MAGI3: variants seen among roughly 807,000 people sequenced by gnomAD.
MAGI3 encodes the protein membrane-associated guanylate kinase, WW and PDZ domain-containing protein 3.
Under a neutral mutation model 121.8 loss-of-function variants are expected in MAGI3, and 43 were observed. The ratio of observed to expected loss-of-function variants is 0.35; its 90% CI spans 0.28 to 0.46. MAGI3 has a LOEUF of 0.46. Among genes scored for constraint, MAGI3 ranks in the 20% least tolerant of loss-of-function variants. MAGI3 has a pLI of 1.00. For synonymous variants in MAGI3, 553 were observed against 639.3 expected, an observed-to-expected ratio of 0.86 and a Z score of 2.04; for missense variants, 1,547 against 1,797.3, an observed-to-expected ratio of 0.86 and a Z score of 2.52.
At chr1:113,659,028 C>A (rs2100997021) in intron 15 of MAGI3, 52 bp from the exon 16 acceptor site, 1 of 1,379,692 alleles carries the variant, frequency 7.2e-7, no homozygotes, top group Non-Finnish European at 1.0e-6. Context: ...ATAAATCTAA[C>A]ACTAGCAGAA....
At chr1:113,578,933 T>C (rs561389084) in intron 2 of MAGI3, among the ~76,000 whole-genome samples, 3 of 141,114 alleles carry the variant, frequency 2.1e-5, no homozygotes, top group South Asian at 4.9e-4. Flanking sequence ...CTCAGATTAT[T>C]ACCATTAATT....
At chr1:113,400,347 G>A (rs1162907256) in intron 1 of MAGI3, among the ~76,000 whole-genome samples, 1 of 152,098 alleles carries the variant, frequency 6.6e-6, no homozygotes, top group Non-Finnish European at 1.5e-5. Flanking sequence ...TGCACAGTAG[G>A]AGTTTTGTAG....
intron 1 of MAGI3, among the ~76,000 whole-genome samples, chr1:113,426,604 G>A (rs1653020884): frequency 6.6e-6 from 1 of 152,038 alleles, no homozygotes; most frequent in Non-Finnish European, 1.5e-5. Context: ...GAATTATTAT[G>A]TTTTCCTAGT....
At position 113,543,590 on chromosome 1, in the gene MAGI3, A is replaced by G. The variant is rs556039720; in HGVS notation, c.317-5925A>G. On this transcript the variant is annotated intron_variant, in intron 1 of 20. Transcript: ENST00000307546. ...TTAAAAATACAAATTAAGGCCAGGCATGGTGGCTCATGCCTGTAATCCCAG... is the reference window on the plus strand; with the variant it reads ...TTAAAAATACAAATTAAGGCCAGGCGTGGTGGCTCATGCCTGTAATCCCAG... 2.2e-3 allele frequency among the ~76,000 whole-genome samples: 341 copies of G among 152,300 alleles called. 3 individuals are homozygous for G. Among genetic ancestry groups the G allele is most frequent in the African/African-American group, 8.0e-3 (332 of 41,572 alleles).
intron 1 of MAGI3, among the ~76,000 whole-genome samples, chr1:113,506,875 C>A (rs563483561): frequency 8.1e-4 from 123 of 152,228 alleles, no homozygotes; most frequent in African/African-American, 2.7e-3. Flanking sequence ...AGCTTTGGTG[C>A]TTTATCTACT....
At chr1:113,503,142 G>A (rs1657105792) in intron 1 of MAGI3, among the ~76,000 whole-genome samples, 4 of 80,758 alleles carry the variant, frequency 5.0e-5, no homozygotes, top group Non-Finnish European at 8.9e-5. Flanking sequence ...TGGGTGCAGC[G>A]CACCAGCATG....
intron 1 of MAGI3, among the ~76,000 whole-genome samples, chr1:113,405,474 CAAAAAAAAAAAAAA>C (rs5777158): frequency 5.5e-5 from 3 of 54,348 alleles, no homozygotes; most frequent in South Asian, 1.1e-3. Flanking sequence ...GAAACTGTCT[CAAAAAAAAAAAAAA>C]AAAAAAAAAA....
Position 113,508,671 on chromosome 1 carries a change from C to T in MAGI3, c.317-40844C>T, listed in dbSNP as rs549174876. On this transcript the variant is annotated intron_variant, in intron 1 of 20. Transcript: ENST00000307546. ...CTCCATCGCTAATAAACTTCTAGTGCTATTCCTTGTTCTTTTAAATGTACC... is the reference window on the plus strand; with the variant it reads ...CTCCATCGCTAATAAACTTCTAGTGTTATTCCTTGTTCTTTTAAATGTACC... Among the ~76,000 whole-genome samples, 10 of 152,294 alleles carry T rather than the reference C, an allele frequency of 6.6e-5. No homozygotes were observed. In the South Asian group the frequency reaches 1.7e-3, roughly 25 times the overall value.
intron 19 of MAGI3, among the ~76,000 whole-genome samples, chr1:113,675,902 A>G (rs575402141): frequency 2.7e-4 from 41 of 152,386 alleles, no homozygotes; most frequent in African/African-American, 9.6e-4. Flanking sequence ...ATGCAGAACC[A>G]TATGTAATAT....
intron 1 of MAGI3, among the ~76,000 whole-genome samples, chr1:113,477,050 C>T (rs1333466403): frequency 5.5e-5 from 8 of 144,818 alleles, no homozygotes; most frequent in African/African-American, 2.0e-4. Flanking sequence ...TGCACCCCTG[C>T]TTTTTTTTTT....
intron 1 of MAGI3, among the ~76,000 whole-genome samples, chr1:113,476,086 C>G (rs1271060044): frequency 6.6e-6 from 1 of 151,836 alleles, no homozygotes; most frequent in African/African-American, 2.4e-5. Flanking sequence ...CCCTTTATCA[C>G]TTTTTATTGC....
At chr1:113,416,022 A>ATTAATGACACATATTAATTATGTAC (rs1652291012) in intron 1 of MAGI3, among the ~76,000 whole-genome samples, 1 of 149,656 alleles carries the variant, frequency 6.7e-6, no homozygotes, top group African/African-American at 2.4e-5. Context: ...TAATTATGTA[A>ATTAATGACACATATTAATTATGTAC]TTAATGACAC....
At chr1:113,474,007 C>T (rs894219242) in intron 1 of MAGI3, among the ~76,000 whole-genome samples, 2 of 150,766 alleles carry the variant, frequency 1.3e-5, no homozygotes, top group Admixed American at 6.7e-5. Context: ...TTGCATTTCT[C>T]TGATGACCAG....
At chr1:113,395,680 C>T (rs1323296123) in intron 1 of MAGI3, among the ~76,000 whole-genome samples, 1 of 151,780 alleles carries the variant, frequency 6.6e-6, no homozygotes, top group Non-Finnish European at 1.5e-5. Context: ...TGTATATACA[C>T]ACACACATAC....
intron 17 of MAGI3, among the ~76,000 whole-genome samples, 191 bp downstream of exon 17, chr1:113,672,027 G>A (rs377695083): frequency 2.6e-5 from 4 of 151,978 alleles, no homozygotes; most frequent in East Asian, 3.8e-4. Context: ...CAGTACCTTC[G>A]TCCCTCTTCC....
intron 9 of MAGI3, among the ~76,000 whole-genome samples, chr1:113,637,235 A>T (rs145388629): frequency 0.024 from 3,614 of 152,166 alleles, 136 homozygotes; most frequent in African/African-American, 0.082. Context: ...TTACATTTAA[A>T]GTTGATATTA....
chr1:113,394,925 G>A (rs1475450563), intron 1 of MAGI3, among the ~76,000 whole-genome samples: 1 of 152,034 alleles, frequency 6.6e-6, no homozygotes, highest in Non-Finnish European at 1.5e-5. Flanking sequence ...GACTCTTTGG[G>A]ACATCCAATT....
chr1:113,521,730 C>T (rs1658210382), intron 1 of MAGI3, among the ~76,000 whole-genome samples: 1 of 152,058 alleles, frequency 6.6e-6, no homozygotes, highest in Non-Finnish European at 1.5e-5. Context: ...TCTTAATGTC[C>T]AGTACTTGTA....
intron 1 of MAGI3, among the ~76,000 whole-genome samples, chr1:113,442,678 A>G (rs1653977595): frequency 6.6e-6 from 1 of 151,762 alleles, no homozygotes; most frequent in South Asian, 2.1e-4. Context: ...ATTATATATC[A>G]TACATATATA....
Sources: allele counts gnomAD v4.1 joint callset (sites outside exome capture counted in the v4.1 genomes callset), GRCh38; gene constraint gnomAD v4.1.1; transcripts MANE v1.5; gene names NCBI Gene and HGNC (gene_info 2026-07-23, HGNC 2026-07-21).